RIPOR3: variants seen among roughly 807,000 people sequenced by gnomAD.
RIPOR3 encodes the protein family with sequence similarity 65 member C.
RIPOR3 carries 95 observed loss-of-function variants against 114.3 expected under a neutral mutation model. The observed-to-expected ratio is 0.83, with a 90% CI of 0.70 to 0.99. The LOEUF is 0.99. Ranked by LOEUF, RIPOR3 falls within the 50% of genes least tolerant of loss-of-function variation. The pLI, the probability that RIPOR3 is intolerant of heterozygous loss-of-function variation, is 0.00. For missense variants in RIPOR3, 1,252 were observed against 1,266.9 expected (o/e 0.99, Z 0.18); for synonymous variants, 575 against 543.8 (o/e 1.06, Z -0.80).
chr20:50,663,094 CAAAAAAA>C (rs35856275), intron 1 of RIPOR3, among the ~76,000 whole-genome samples: 4 of 69,354 alleles, frequency 5.8e-5, no homozygotes, highest in Non-Finnish European at 8.8e-5. Context: ...GAGACTGTCT[CAAAAAAA>C]AAAAAAAAAA....
At position 50,691,222 on chromosome 20, in the gene RIPOR3, G is replaced by A. The variant is rs2087202121; in HGVS notation, c.-94C>T. 2 of 1,284,756 alleles carry A rather than the reference G, an allele frequency of 1.6e-6. No individual in the cohort carries two copies. The highest frequency in any genetic ancestry group is 2.0e-6 in the Non-Finnish European group (2 of 984,812). The allele number at this position is 1,284,756 out of a possible 1,614,324, so 79.6% of individuals were successfully genotyped here. On this transcript the variant is annotated 5_prime_UTR_variant, in exon 1 of 22. Coordinates refer to ENST00000327979, the MANE Select transcript of RIPOR3 (RefSeq NM_001290268.2). ...CGCCAGCAAGCGTCTGCTCCCATCTGGCCCGGGACTCCCGGACTCGAGCTA... is the reference window on the plus strand; with the variant it reads ...CGCCAGCAAGCGTCTGCTCCCATCTAGCCCGGGACTCCCGGACTCGAGCTA...
In RIPOR3 at chr20:50,596,212, T is replaced by C. The variant is rs1601455795; in HGVS notation, c.1842A>G (p.Glu614=). ...CCAGCTCTGGGGCACCGGCTGTGAG[T>C]TCCCTGGATGACGCTTTCAGTGATG... is the stretch of plus-strand genomic sequence containing the variant. ...PPSSLKASSR[E]LTAGAPELDV... The change falls in exon 15 of 22, where the codon GAA becomes GAG. Residue 614 remains glutamate, a synonymous_variant. Coordinates refer to ENST00000327979, the MANE Select transcript of RIPOR3 (RefSeq NM_001290268.2). 7 of 1,613,994 alleles carry C rather than the reference T, an allele frequency of 4.3e-6. No homozygotes were observed. Among genetic ancestry groups the C allele is most frequent in the Non-Finnish European group, 5.9e-6 (7 of 1,179,998 alleles).
chr20:50,656,949 G>T (rs2085831873), intron 1 of RIPOR3, among the ~76,000 whole-genome samples: 1 of 152,174 alleles, frequency 6.6e-6, no homozygotes, highest in Non-Finnish European at 1.5e-5. Context: ...TCAAATCTTG[G>T]TCTATGTTTG....
chr20:50,618,761 CCTGGCACT>C (rs2084283311), intron 3 of RIPOR3, among the ~76,000 whole-genome samples: 1 of 152,222 alleles, frequency 6.6e-6, no homozygotes, highest in Non-Finnish European at 1.5e-5. Context: ...TGTCCCCTGG[CCTGGCACT>C]CTGTAAGCCC....
At chr20:50,589,569 T>G (rs2083043577) in intron 20 of RIPOR3, 117 bp downstream of exon 20, 4 of 1,082,470 alleles carry the variant, frequency 3.7e-6, no homozygotes, top group Admixed American at 2.1e-5. Flanking sequence ...GTGCTGAGAT[T>G]ACAGGCGTGA....
At position 50,622,184 on chromosome 20, in the gene RIPOR3, CT is replaced by C. The variant is rs1291668979; in HGVS notation, c.123-2053del. On this transcript the variant is annotated intron_variant, in intron 2 of 21. Coordinates refer to ENST00000327979, the MANE Select transcript of RIPOR3 (RefSeq NM_001290268.2). ...TAGATCTAACTTTGGCATCAGTTCT[CT>C]TTTTTTTTTTTTTTTTGAGATGGAG... 8.9e-3 allele frequency among the ~76,000 whole-genome samples: 1,240 copies of C among 139,660 alleles called. 15 individuals carry two copies. Among genetic ancestry groups the C allele is most frequent in the African/African-American group, 0.025 (974 of 38,336 alleles). The allele number at this position is 139,660 out of a possible 152,430, so 91.6% of individuals were successfully genotyped here. A position where few individuals can be genotyped will look rare whatever the true frequency, so the allele number is the denominator to read the frequency against.
chr20:50,627,393 C>G (rs1053195189), intron 2 of RIPOR3, among the ~76,000 whole-genome samples: 10 of 150,802 alleles, frequency 6.6e-5, no homozygotes, highest in African/African-American at 2.2e-4. Context: ...ACCTGTAATC[C>G]CAGCTACTCA....
intron 1 of RIPOR3, among the ~76,000 whole-genome samples, chr20:50,664,470 C>T (rs776867931): frequency 2.0e-5 from 3 of 152,116 alleles, no homozygotes; most frequent in East Asian, 1.9e-4. Context: ...TGTGTGCAGC[C>T]GCTGCCTGGA....
chr20:50,654,870 C>T (rs1052447138), intron 1 of RIPOR3, among the ~76,000 whole-genome samples: 1 of 152,124 alleles, frequency 6.6e-6, no homozygotes, highest in South Asian at 2.1e-4. Context: ...CTCAACTCCC[C>T]GAGTAGCTGG....
At chr20:50,615,278 C>A (rs928955995) in intron 4 of RIPOR3, among the ~76,000 whole-genome samples, 3 of 151,946 alleles carry the variant, frequency 2.0e-5, no homozygotes, top group Non-Finnish European at 4.4e-5. Context: ...AATCCCAGCA[C>A]TTTGGGAGGC....
intron 13 of RIPOR3, among the ~76,000 whole-genome samples, chr20:50,601,152 G>C (rs997768180): frequency 6.6e-6 from 1 of 152,142 alleles, no homozygotes; most frequent in Non-Finnish European, 1.5e-5. Context: ...AGGGTGTCCA[G>C]GCCAGGTGCA....
In RIPOR3 at chr20:50,668,738, T is replaced by A. The variant is rs376730642; in HGVS notation, c.3+22388A>T. Among the ~76,000 whole-genome samples the A allele has an allele frequency of 1.1e-4, 17 of 152,098 alleles. No homozygotes were observed. The South Asian group carries it at 3.5e-3, about 32-fold the overall frequency. ...TGGGCGTGGTGGCGGGTGCCTGTAA[T>A]CCCAGCTACTTGGGAGGCTGAGGCG... On this transcript the variant is annotated intron_variant, in intron 1 of 21. Transcript: ENST00000327979.
rs35946931 is a variant in RIPOR3, at chr20:50,679,601, CA to C, written c.3+11524del. ...TGAAACCCTGTCTCTACTAAAAATA[CA>C]AAAAAAAAAAAAAAAAATTAGCCGG... On this transcript the variant is annotated intron_variant, in intron 1 of 21. Transcript: ENST00000327979. 3.3e-3 allele frequency among the ~76,000 whole-genome samples: 396 copies of C among 120,596 alleles called. 5 individuals carry two copies. The highest frequency in any genetic ancestry group is 0.011 in the African/African-American group (339 of 30,300). The allele number at this position is 120,596 out of a possible 152,430, so 79.1% of individuals were successfully genotyped here. A position where few individuals can be genotyped will look rare whatever the true frequency, so the allele number is the denominator to read the frequency against.
At chr20:50,611,272 G>A (rs2083969559) in intron 4 of RIPOR3, 68 bp from the exon 5 acceptor site, 1 of 1,605,782 alleles carries the variant, frequency 6.2e-7, no homozygotes, top group South Asian at 1.1e-5. Flanking sequence ...GGCCTATGAG[G>A]CTCTATGCTG....
rs1251721110 is a variant in RIPOR3, at chr20:50,611,222, A to G, written c.349-18T>C. 6.2e-7 allele frequency: 1 copy of G among 1,613,986 alleles called. No individual in the cohort carries two copies. The highest frequency in any genetic ancestry group is 1.3e-5 in the African/African-American group (1 of 74,940). On this transcript the variant is annotated intron_variant, in intron 4 of 21. Coordinates refer to ENST00000327979, the MANE Select transcript of RIPOR3 (RefSeq NM_001290268.2). ...TAGAAAGCCTGTGAGGGAGGAAAGG[A>G]GGGCGGAAGAAGCTGTCAGAGTCCC...
intron 1 of RIPOR3, among the ~76,000 whole-genome samples, chr20:50,644,458 TA>T (rs1364738364): frequency 6.6e-6 from 1 of 152,152 alleles, no homozygotes; most frequent in Non-Finnish European, 1.5e-5. Context: ...ATACTTTTTA[TA>T]ACCTGGATTG....
chr20:50,663,094 CAAAAA>C (rs35856275), intron 1 of RIPOR3, among the ~76,000 whole-genome samples: 2 of 69,354 alleles, frequency 2.9e-5, no homozygotes. Flanking sequence ...GAGACTGTCT[CAAAAA>C]AAAAAAAAAA....
At chr20:50,627,089 G>A (rs997987946) in intron 2 of RIPOR3, among the ~76,000 whole-genome samples, 2 of 152,020 alleles carry the variant, frequency 1.3e-5, no homozygotes, top group African/African-American at 4.8e-5. Flanking sequence ...GGCTGAGGCA[G>A]AAGAATTGCT....
chr20:50,623,369 G>A (rs1203465503), intron 2 of RIPOR3, among the ~76,000 whole-genome samples: 1 of 152,008 alleles, frequency 6.6e-6, no homozygotes, highest in African/African-American at 2.4e-5. Context: ...AGAGAACAGA[G>A]AACCTGGCCC....
Sources: gnomAD v4.1 joint callset for allele counts (sites outside exome capture counted in the v4.1 genomes callset) on GRCh38, gnomAD v4.1.1 for gene constraint, MANE v1.5 for transcripts, NCBI Gene and HGNC (gene_info 2026-07-23, HGNC 2026-07-21) for gene names.